The following CCPG1 variants were observed in gnomAD, a reference collection of about 807,000 sequenced individuals.
CCPG1 encodes cell cycle progression 1.
CCPG1 carries 46 observed loss-of-function variants against 81.3 expected under a neutral mutation model. The observed-to-expected ratio is 0.57, with a 90% CI of 0.45 to 0.72. The LOEUF is 0.72. Ranked by LOEUF, CCPG1 falls within the 30% of genes least tolerant of loss-of-function variation. CCPG1 has a pLI of 0.00. For synonymous variants in CCPG1, 330 were observed against 305.2 expected (o/e 1.08, Z -0.85); for missense variants, 902 against 937.6 (o/e 0.96, Z 0.50).
intron 1 of CCPG1, among the ~76,000 whole-genome samples, chr15:55,406,678 A>C (rs1471802365): frequency 6.6e-6 from 1 of 151,316 alleles, no homozygotes; most frequent in Non-Finnish European, 1.5e-5. Context: ...CAGGTGATCC[A>C]CCTGCATGGG....
intron 5 of CCPG1, among the ~76,000 whole-genome samples, chr15:55,375,505 CATAA>C (rs1173222778): frequency 2.0e-5 from 3 of 148,508 alleles, no homozygotes; most frequent in Non-Finnish European, 4.4e-5. Context: ...AATACCCCTC[CATAA>C]ATAAAGATAC....
At chr15:55,387,626 C>T (rs2056826614) in intron 2 of CCPG1, among the ~76,000 whole-genome samples, 1 of 151,704 alleles carries the variant, frequency 6.6e-6, no homozygotes, top group Non-Finnish European at 1.5e-5. Context: ...CTCACCGCAA[C>T]CTCCGCCTCC....
chr15:55,400,802 T>G (rs1441145865), intron 1 of CCPG1, among the ~76,000 whole-genome samples: 1 of 152,194 alleles, frequency 6.6e-6, no homozygotes, highest in Admixed American at 6.5e-5. Flanking sequence ...GCTATCCTCA[T>G]CTCCTTTTCT....
At position 55,360,407 on chromosome 15, in the gene CCPG1, T is replaced by C. The variant is rs146958976; in HGVS notation, c.1366A>G (p.Lys456Glu). ...GTTCCTTGTTTTCCATTTTGATCTT[T>C]TGCCTCAACATACAATCTTTCCCAC... ...DLWERLYVEA[K>E]DQNGKQGTDG... The change falls in exon 8 of 9, where the codon AAA becomes GAA. Residue 456 changes from lysine to glutamate, a missense_variant. Around this residue, in one of 3 missense-constraint regions of CCPG1, gnomAD observed 746 missense variants for 728.6 expected, o/e 1.02. Coordinates refer to ENST00000442196, the MANE Select transcript of CCPG1 (RefSeq NM_001204450.2). 2,496 of 1,613,884 alleles carry C rather than the reference T, an allele frequency of 1.5e-3. 2 individuals are homozygous for C. Among genetic ancestry groups the C allele is most frequent in the Non-Finnish European group, 1.9e-3 (2,250 of 1,180,028 alleles).
At chr15:55,363,917 C>T (rs1423882499) in intron 7 of CCPG1, among the ~76,000 whole-genome samples, 1 of 141,922 alleles carries the variant, frequency 7.0e-6, no homozygotes, top group African/African-American at 2.7e-5. Flanking sequence ...AATTCTTGTG[C>T]CTAAGCCTCC....
chr15:55,360,464 T>A lies in CCPG1; in HGVS notation c.1309A>T (p.Lys437Ter). The A allele has an allele frequency of 6.2e-7, 1 of 1,614,182 alleles. No homozygotes were observed. The highest frequency in any genetic ancestry group is 8.5e-7 in the Non-Finnish European group (1 of 1,180,036). The change falls in exon 8 of 9, where the codon AAG becomes TAG. Residue 437 changes from lysine (K) to a stop codon, truncating the protein, a stop_gained. Transcript: ENST00000442196. LOFTEE classifies it high-confidence loss of function. ...GAACGCTGCTGTTCGAAGGTTAGCT[T>A]CCGTTCCAGCTCAGTGAGTCTTTCC... ...LRERLTELERKLTFEQQRSDL... is the reference protein window; with the variant it reads ...LRERLTELER
chr15:55,376,888 C>A (rs910594180), intron 5 of CCPG1, 61 bp downstream of exon 5: 11 of 1,239,164 alleles, frequency 8.9e-6, no homozygotes, highest in African/African-American at 7.5e-5. Flanking sequence ...GGGTAGAAAA[C>A]AAGCCTTTAT....
chr15:55,356,758 A>G, intron 8 of CCPG1: 2 of 1,020,572 alleles, frequency 2.0e-6, no homozygotes, highest in Non-Finnish European at 2.3e-6. Context: ...ACTCAGCAGA[A>G]ATACATACAC....
At position 55,389,492 on chromosome 15, in the gene CCPG1, C is replaced by T; in HGVS notation, c.-9-59G>A. 3.4e-6 allele frequency: 4 copies of T among 1,190,814 alleles called. No homozygotes were observed. In the South Asian group the frequency reaches 4.9e-5, roughly 15 times the overall value. 73.8% of individuals were successfully genotyped at this position (1,190,814 alleles called of 1,614,324 possible). On this transcript the variant is annotated intron_variant, in intron 1 of 8. Transcript: ENST00000442196. Reference sequence around the variant, plus strand: ...ACATTTTTTTTAATTCTATAGGAAGCACTATATGTGACACTAAGTTTGAAA... The same window carrying T: ...ACATTTTTTTTAATTCTATAGGAAGTACTATATGTGACACTAAGTTTGAAA...
chr15:55,407,973 G>T (rs549124932), intron 1 of CCPG1: 17 of 152,310 alleles, frequency 1.1e-4, no homozygotes, highest in Admixed American at 1.1e-3. Flanking sequence ...TCGGGGTTTG[G>T]AGGCTGCAAG....
At chr15:55,359,485 C>A in intron 8 of CCPG1, 54 bp downstream of exon 8, 8 of 1,519,202 alleles carry the variant, frequency 5.3e-6, no homozygotes, top group Non-Finnish European at 7.0e-6. Flanking sequence ...AAAATGCTAT[C>A]CAATCTACAA....
intron 8 of CCPG1, chr15:55,357,939 A>T (rs1001877159): frequency 3.3e-5 from 5 of 152,212 alleles, no homozygotes; most frequent in African/African-American, 4.8e-5. Flanking sequence ...TCCATCCCAC[A>T]TGGGATGTGA....
intron 1 of CCPG1, chr15:55,400,062 G>A (rs1035108889): frequency 3.3e-5 from 5 of 151,088 alleles, no homozygotes; most frequent in African/African-American, 1.2e-4. Flanking sequence ...AATTAGCTAG[G>A]CCCACATAGT....
intron 2 of CCPG1, among the ~76,000 whole-genome samples, chr15:55,388,050 C>T (rs2056838437): frequency 6.6e-6 from 1 of 151,822 alleles, no homozygotes; most frequent in Admixed American, 6.6e-5. Context: ...ACTCCAGAGG[C>T]TGAGGCAGGA....
At chr15:55,391,661 G>C (rs1245951889) in intron 1 of CCPG1, among the ~76,000 whole-genome samples, 1 of 152,020 alleles carries the variant, frequency 6.6e-6, no homozygotes, top group Non-Finnish European at 1.5e-5. Context: ...ATTAACAGTT[G>C]TCAAAATTTA....
Position 55,360,729 on chromosome 15 carries a change from A to C in CCPG1, c.1044T>G (p.Val348=), listed in dbSNP as rs1185437929. ...GCTGCTTAAGTTTCTGATTTTCTTT[A>C]ACTAATTCAGTACTTGTCCCTTTAT... is the stretch of plus-strand genomic sequence containing the variant. ...LEDKGTSTEL[V]KENQKLKQHL... The change falls in exon 8 of 9, where the codon GTT becomes GTG. Residue 348 remains valine, a synonymous_variant. Transcript: ENST00000442196. 2 of 1,611,872 alleles carry C rather than the reference A, an allele frequency of 1.2e-6. No homozygotes were observed. The highest frequency in any genetic ancestry group is 2.2e-5 in the South Asian group (2 of 90,496).
chr15:55,381,170 T>C (rs1286647354), intron 3 of CCPG1, among the ~76,000 whole-genome samples: 1 of 150,050 alleles, frequency 6.7e-6, no homozygotes, highest in Non-Finnish European at 1.5e-5. Flanking sequence ...GCACAGTGGC[T>C]CATGCTTGTA....
At chr15:55,356,775 CACAA>C (rs1200888568) in intron 8 of CCPG1, 2 of 1,002,306 alleles carry the variant, frequency 2.0e-6, no homozygotes, top group East Asian at 1.0e-4. Flanking sequence ...ACACATCTCT[CACAA>C]ACAAAGCAAA....
intron 7 of CCPG1, among the ~76,000 whole-genome samples, chr15:55,362,066 T>C (rs7168882): frequency 0.18 from 27,537 of 152,168 alleles, 4,338 homozygotes; most frequent in African/African-American, 0.43. Context: ...ATTCGGCTTA[T>C]AGAATTTTAC....
Sources: allele counts gnomAD v4.1 joint callset (sites outside exome capture counted in the v4.1 genomes callset), GRCh38; gene constraint gnomAD v4.1.1; regional missense constraint gnomAD v4.1.1; transcripts MANE v1.5; gene names NCBI Gene and HGNC (gene_info 2026-07-23, HGNC 2026-07-21).